Variants in ZFYVE9 observed in about 807,000 individuals in gnomAD.
ZFYVE9 encodes the protein zinc finger FYVE domain-containing protein 9.
ZFYVE9 carries 43 observed loss-of-function variants against 126.7 expected under a neutral mutation model. The ratio of observed to expected loss-of-function variants is 0.34; its 90% CI spans 0.27 to 0.44. The LOEUF (loss-of-function observed/expected upper bound fraction) is 0.44. Ranked by LOEUF, ZFYVE9 falls within the 20% of genes least tolerant of loss-of-function variation. ZFYVE9 has a pLI of 1.00. For synonymous variants in ZFYVE9, 521 were observed against 597.4 expected (o/e 0.87, Z 1.87); for missense variants, 1,476 against 1,697.0 (o/e 0.87, Z 2.29).
rs1572126373 is a variant in ZFYVE9, at chr1:52,239,118, A to G, written c.1701A>G (p.Ala567=). 1 of 1,614,112 alleles carries G rather than the reference A, an allele frequency of 6.2e-7. No individual in the cohort carries two copies. Among genetic ancestry groups the G allele is most frequent in the Non-Finnish European group, 8.5e-7 (1 of 1,179,990 alleles). Residue 567 remains alanine (A), a synonymous_variant, in exon 4 of 19, where the codon GCA becomes GCG. Transcript: ENST00000287727. ...GGCAATCTTCCCCCAAGGTAGTAGC[A>G]AGCCTGCCATCTATCAGTGTTCCTT... ...VLGQSSPKVV[A]SLPSISVPFG...
intron 4 of ZFYVE9, among the ~76,000 whole-genome samples, chr1:52,260,079 C>T (rs1206737852): frequency 3.3e-5 from 5 of 151,704 alleles, no homozygotes; most frequent in Non-Finnish European, 7.4e-5. Flanking sequence ...AAACTGTGTG[C>T]TGAGTCATAC....
chr1:52,188,534 G>A (rs1044773792), intron 1 of ZFYVE9, among the ~76,000 whole-genome samples: 4 of 151,964 alleles, frequency 2.6e-5, no homozygotes, highest in African/African-American at 9.7e-5. Flanking sequence ...GTTAGAATTG[G>A]CATTTGATGA....
Position 52,237,880 on chromosome 1 carries a change from C to A in ZFYVE9, c.463C>A (p.His155Asn), listed in dbSNP as rs759041526. Residue 155 changes from histidine to asparagine, a missense_variant, in exon 4 of 19, where the codon CAT becomes AAT. By Grantham distance (68) the His-to-Asn change is moderately conservative (BLOSUM62 1). Around this residue, in one of 2 missense-constraint regions of ZFYVE9, gnomAD observed 807 missense variants for 794.6 expected, o/e 1.02. Coordinates refer to ENST00000287727, the MANE Select transcript of ZFYVE9 (RefSeq NM_004799.4). ...EKNVLVVAVM[H>N]NCDKRTLQND... ...GAATGTTCTTGTTGTAGCCGTCATGCATAACTGTGATAAAAGGACATTACA... is the reference window on the plus strand; with the variant it reads ...GAATGTTCTTGTTGTAGCCGTCATGAATAACTGTGATAAAAGGACATTACA... 16 of 1,613,858 alleles carry A rather than the reference C, an allele frequency of 9.9e-6. No individual in the cohort carries two copies. The East Asian group carries it at 3.6e-4, about 36-fold the overall frequency.
At chr1:52,290,667 C>T (rs1645910232) in intron 10 of ZFYVE9, among the ~76,000 whole-genome samples, 1 of 152,140 alleles carries the variant, frequency 6.6e-6, no homozygotes. Flanking sequence ...AAGTTCCTGA[C>T]ACTCTATCCC....
chr1:52,266,021 C>G (rs1327227042), intron 5 of ZFYVE9, among the ~76,000 whole-genome samples: 1 of 152,132 alleles, frequency 6.6e-6, no homozygotes, highest in Non-Finnish European at 1.5e-5. Context: ...TGTTTGGTCT[C>G]CTATAAAGAA....
rs138197818 is a variant in ZFYVE9 at position 52,323,820 on chromosome 1, C to G, written c.3439-8948C>G. 4.0e-3 allele frequency among the ~76,000 whole-genome samples: 593 copies of G among 147,934 alleles called. 13 individuals are homozygous for G. In the South Asian group the frequency reaches 0.045, roughly 11 times the overall value. ...ATCCCAGCTATTCGGGAGGCTGAGGCAGGAGAATCACTCCTGAGGTCCGGA... is the reference window on the plus strand; with the variant it reads ...ATCCCAGCTATTCGGGAGGCTGAGGGAGGAGAATCACTCCTGAGGTCCGGA... On this transcript the variant is annotated intron_variant, in intron 13 of 18. Coordinates refer to ENST00000287727, the MANE Select transcript of ZFYVE9 (RefSeq NM_004799.4).
intron 6 of ZFYVE9, 129 bp downstream of exon 6, chr1:52,266,960 GAAC>G: frequency 2.5e-6 from 2 of 788,342 alleles, no homozygotes; most frequent in Non-Finnish European, 3.7e-6. Context: ...TATTAAAATG[GAAC>G]AACAAGGTGA....
intron 17 of ZFYVE9, among the ~76,000 whole-genome samples, chr1:52,341,470 C>A (rs774241739): frequency 6.6e-6 from 1 of 152,046 alleles, no homozygotes; most frequent in African/African-American, 2.4e-5. Flanking sequence ...TCTCTTCATC[C>A]CCAAGAGGTC....
chr1:52,332,333 T>C (rs1277076188), intron 13 of ZFYVE9, among the ~76,000 whole-genome samples: 1 of 152,182 alleles, frequency 6.6e-6, no homozygotes, highest in Non-Finnish European at 1.5e-5. Flanking sequence ...GAATTTCATA[T>C]GTTTTTAGAG....
chr1:52,296,087 TA>T, intron 12 of ZFYVE9, 110 bp downstream of exon 12: 5 of 804,562 alleles, frequency 6.2e-6, no homozygotes, highest in South Asian at 3.2e-5. Context: ...TTAAGGCAGG[TA>T]AAGATATATG....
Position 52,346,323 on chromosome 1 carries a change from T to A in ZFYVE9, c.*102T>A. On this transcript the variant is annotated 3_prime_UTR_variant, in exon 19 of 19. Transcript: ENST00000287727. ...TGGAAGATTAAGCTTTTGTTAACAC[T>A]ATTAATGGGGTGGGGAATAGGGTGG... The A allele has an allele frequency of 2.7e-6, 3 of 1,113,594 alleles. No homozygotes were observed. The highest frequency in any genetic ancestry group is 3.7e-6 in the Non-Finnish European group (3 of 808,242). 69.0% of individuals were successfully genotyped at this position (1,113,594 alleles called of 1,614,324 possible). A position where few individuals can be genotyped will look rare whatever the true frequency, so the allele number is the denominator to read the frequency against.
chr1:52,245,555 T>G (rs1645376423), intron 4 of ZFYVE9, among the ~76,000 whole-genome samples: 1 of 152,168 alleles, frequency 6.6e-6, no homozygotes, highest in Non-Finnish European at 1.5e-5. Flanking sequence ...CATTTACAAG[T>G]GACAAAATAG....
chr1:52,275,341 G>A (rs568663222), intron 8 of ZFYVE9, among the ~76,000 whole-genome samples: 29 of 152,176 alleles, frequency 1.9e-4, no homozygotes, highest in Admixed American at 1.4e-3. Context: ...ATAGTGCTGC[G>A]GTGAACATTC....
Position 52,307,233 on chromosome 1 carries a change from T to G in ZFYVE9, c.3438+3308T>G, listed in dbSNP as rs6665106. ...TGAGGCGCTCATAGTTATTTCTTTT[T>G]TTTTGTTTTGTTTTGTTTTTGAGAC... On this transcript the variant is annotated intron_variant, in intron 13 of 18. Coordinates refer to ENST00000287727, the MANE Select transcript of ZFYVE9 (RefSeq NM_004799.4). Among the ~76,000 whole-genome samples the G allele has an allele frequency of 9.2e-3, 1,400 of 152,294 alleles. 16 individuals carry two copies. The highest frequency in any genetic ancestry group is 0.029 in the African/African-American group (1,224 of 41,552).
intron 12 of ZFYVE9, among the ~76,000 whole-genome samples, chr1:52,296,196 T>C (rs755000809): frequency 2.3e-4 from 34 of 148,892 alleles, no homozygotes; most frequent in East Asian, 1.2e-3. Flanking sequence ...CACACACACA[T>C]ATATATATTC....
chr1:52,346,161 G>A lies in ZFYVE9; in HGVS notation c.4218G>A (p.Gln1406=). Residue 1406 remains glutamine (Q), a synonymous_variant, in exon 19 of 19, where the codon CAG becomes CAA. Transcript: ENST00000287727. The stretch of plus-strand genomic sequence containing the variant: ...CGGTGATCCATGGAGGGGCCTGCCA[G>A]CTTAGTGAGGGCCCCGTTGTCATGG... ...LVPVIHGGAC[Q]LSEGPVVMEL... 1 of 1,613,004 alleles carries A rather than the reference G, an allele frequency of 6.2e-7. No homozygotes were observed. The highest frequency in any genetic ancestry group is 8.5e-7 in the Non-Finnish European group (1 of 1,179,216).
At chr1:52,213,606 C>A (rs781477805) in intron 1 of ZFYVE9, among the ~76,000 whole-genome samples, 33 of 151,838 alleles carry the variant, frequency 2.2e-4, no homozygotes, top group Non-Finnish European at 4.4e-4. Flanking sequence ...GAGCCGAGAT[C>A]GTGTCACTGC....
intron 15 of ZFYVE9, among the ~76,000 whole-genome samples, chr1:52,337,515 G>C (rs75339697): frequency 6.6e-6 from 1 of 152,226 alleles, no homozygotes; most frequent in Admixed American, 6.5e-5. Flanking sequence ...GAATGTGACT[G>C]TGTTTAAGTT....
chr1:52,291,817 G>A (rs377294160), intron 10 of ZFYVE9, among the ~76,000 whole-genome samples: 186 of 148,774 alleles, frequency 1.3e-3, no homozygotes, highest in African/African-American at 4.4e-3. Context: ...AGGAGAGGTT[G>A]CAGTGAGCTG....
Sources: gnomAD v4.1 joint callset for allele counts (sites outside exome capture counted in the v4.1 genomes callset) on GRCh38, gnomAD v4.1.1 for gene constraint, gnomAD v4.1.1 regional missense constraint, MANE v1.5 for transcripts, NCBI Gene and HGNC (gene_info 2026-07-23, HGNC 2026-07-21) for gene names.